EDARADD: variants seen among roughly 807,000 people sequenced by gnomAD.
The protein encoded by EDARADD is ectodysplasin-A receptor-associated adapter protein.
A neutral mutation model predicts 25.6 loss-of-function variants in EDARADD; 20 were observed. The observed-to-expected ratio is 0.78, with a 90% CI of 0.55 to 1.14. The LOEUF is 1.14. Among genes scored for constraint, EDARADD ranks in the 50% most tolerant of loss-of-function variants. The pLI, the probability that EDARADD is intolerant of heterozygous loss-of-function variation, is 0.00. For missense variants in EDARADD, 225 were observed against 270.1 expected (o/e 0.83, Z 1.17); for synonymous variants, 86 against 94.4 (o/e 0.91, Z 0.52).
At chr1:236,478,730 G>A (rs1441551224) in intron 5 of EDARADD, among the ~76,000 whole-genome samples, 1 of 152,096 alleles carries the variant, frequency 6.6e-6, no homozygotes, top group Non-Finnish European at 1.5e-5. Flanking sequence ...GGGACTGCAG[G>A]CGCCCGCCAT....
At chr1:236,396,298 GAATCTA>G (rs1369106300) in intron 1 of EDARADD, among the ~76,000 whole-genome samples, 5 of 152,100 alleles carry the variant, frequency 3.3e-5, no homozygotes, top group Non-Finnish European at 5.9e-5. Flanking sequence ...TCTCTCACGT[GAATCTA>G]AAATCCGTCC....
At chr1:236,480,009 G>A (rs1457427456) in intron 5 of EDARADD, among the ~76,000 whole-genome samples, 4 of 149,738 alleles carry the variant, frequency 2.7e-5, no homozygotes, top group Non-Finnish European at 5.9e-5. Context: ...CTGTGCCACC[G>A]CACTCCAGCC....
Position 236,394,625 on chromosome 1 carries a change from C to T in EDARADD, c.61+120C>T. 1.1e-5 allele frequency: 9 copies of T among 836,422 alleles called. No homozygotes were observed. The South Asian group carries it at 2.1e-4, about 20-fold the overall frequency. 51.8% of individuals were successfully genotyped at this position (836,422 alleles called of 1,614,324 possible). A position where few individuals can be genotyped will look rare whatever the true frequency, so the allele number is the denominator to read the frequency against. On this transcript the variant is annotated intron_variant, in intron 1 of 5. Transcript: ENST00000334232. ...TAAATACTATTATTATCTTTTTCGACCCGACTTTTATCTTTCTGTTCTTAT... is the reference window on the plus strand; with the variant it reads ...TAAATACTATTATTATCTTTTTCGATCCGACTTTTATCTTTCTGTTCTTAT...
At chr1:236,352,441 G>T (rs912478661) in intron 3 of EDARADD, among the ~76,000 whole-genome samples, 1 of 151,952 alleles carries the variant, frequency 6.6e-6, no homozygotes, top group Admixed American at 6.6e-5. Context: ...TCAGTGGCTC[G>T]TGCCTATAAT....
At chr1:236,401,084 G>A (rs1361478839) in intron 1 of EDARADD, among the ~76,000 whole-genome samples, 1 of 151,960 alleles carries the variant, frequency 6.6e-6, no homozygotes, top group Non-Finnish European at 1.5e-5. Context: ...TATATGGGAG[G>A]CTGAGGTGGG....
At chr1:236,390,960 T>TTATTATTATTATTAC (rs1282407214), upstream of EDARADD, among the ~76,000 whole-genome samples, 1 of 151,030 alleles carries the variant, frequency 6.6e-6, no homozygotes, top group Non-Finnish European at 1.5e-5. Flanking sequence ...ATTATTATTA[T>TTATTATTATTATTAC]TTTTTGAGAT....
intron 2 of EDARADD, among the ~76,000 whole-genome samples, chr1:236,349,817 T>G: frequency 1.3e-5 from 2 of 150,004 alleles, no homozygotes; most frequent in Admixed American, 6.7e-5. Context: ...AGGGCAGTGG[T>G]GGGGGAGGGT....
intron 3 of EDARADD, among the ~76,000 whole-genome samples, chr1:236,359,718 TA>T (rs1447638917): frequency 6.6e-6 from 1 of 152,122 alleles, no homozygotes; most frequent in Admixed American, 6.5e-5. Flanking sequence ...CTCCTCTTTT[TA>T]AAACCATCAG....
intron 3 of EDARADD, among the ~76,000 whole-genome samples, chr1:236,381,819 T>TTTTTTTTTTTTTA: frequency 7.2e-6 from 1 of 139,634 alleles, no homozygotes. Context: ...TTTTTTTTTT[T>TTTTTTTTTTTTTA]TTTTTTCAGA....
At chr1:236,400,686 C>G (rs189365650) in intron 1 of EDARADD, among the ~76,000 whole-genome samples, 1 of 150,218 alleles carries the variant, frequency 6.7e-6, no homozygotes, top group Admixed American at 6.6e-5. Context: ...TCCTGAGTAG[C>G]TGGGGCCACA....
intron 3 of EDARADD, among the ~76,000 whole-genome samples, chr1:236,379,651 C>A (rs1446072848): frequency 2.0e-5 from 3 of 151,150 alleles, no homozygotes; most frequent in Admixed American, 1.3e-4. Context: ...TGGTGGCGGG[C>A]ACCTGTAATC....
chr1:236,416,692 C>T (rs1422448662), intron 3 of EDARADD, among the ~76,000 whole-genome samples: 1 of 152,122 alleles, frequency 6.6e-6, no homozygotes, highest in African/African-American at 2.4e-5. Flanking sequence ...TTTCTTATCT[C>T]CAAATGAATA....
rs551992662 is a variant in EDARADD at position 236,381,402 on chromosome 1, T to C, written c.-5-27814T>C. ...TACATGTGCACAACGTGCAGGTTTG[T>C]TACATATAAGCTTGTGCTATTTTAG... is the stretch of plus-strand genomic sequence containing the variant. On this transcript the variant is annotated intron_variant, in intron 3 of 7. Coordinates refer to the EDARADD transcript ENST00000439430. Among the ~76,000 whole-genome samples, 6 of 152,272 alleles carry C rather than the reference T, an allele frequency of 3.9e-5. No individual in the cohort carries two copies. In the South Asian group the frequency reaches 1.2e-3, roughly 32 times the overall value.
At chr1:236,421,759 C>A (rs975350493) in intron 3 of EDARADD, among the ~76,000 whole-genome samples, 3 of 152,086 alleles carry the variant, frequency 2.0e-5, no homozygotes, top group African/African-American at 7.2e-5. Context: ...CCCGCATTGG[C>A]CTCCCAAAGT....
At chr1:236,363,030 T>TATATATATATATATATATATATAA (rs796610771) in intron 3 of EDARADD, among the ~76,000 whole-genome samples, 16 of 101,938 alleles carry the variant, frequency 1.6e-4, no homozygotes, top group East Asian at 1.1e-3. Context: ...TATATATATA[T>TATATATATATATATATATATATAA]ATAAAATTTG....
At chr1:236,394,075 A>G (rs1667469883), upstream of EDARADD, among the ~76,000 whole-genome samples, 1 of 152,114 alleles carries the variant, frequency 6.6e-6, no homozygotes, top group South Asian at 2.1e-4. Flanking sequence ...AAAAACATGA[A>G]TTACATTTCA....
At chr1:236,442,129 CTT>C (rs74899359) in intron 4 of EDARADD, among the ~76,000 whole-genome samples, 26 of 143,278 alleles carry the variant, frequency 1.8e-4, no homozygotes, top group Admixed American at 1.4e-4. Flanking sequence ...TTCTTTCTTT[CTT>C]TTTTTTTTTT....
chr1:236,465,880 AT>A (rs1659172646), intron 4 of EDARADD, among the ~76,000 whole-genome samples: 1 of 152,254 alleles, frequency 6.6e-6, no homozygotes, highest in South Asian at 2.1e-4. Flanking sequence ...AACAAACATC[AT>A]GCATATTAAT....
intron 3 of EDARADD, among the ~76,000 whole-genome samples, chr1:236,354,682 T>G (rs1212612137): frequency 6.6e-6 from 1 of 152,308 alleles, no homozygotes; most frequent in East Asian, 1.9e-4. Context: ...CAGCCCTGAT[T>G]GGACAGAGAC....
Sources: gnomAD v4.1 joint callset for allele counts (sites outside exome capture counted in the v4.1 genomes callset) on GRCh38, gnomAD v4.1.1 for gene constraint, MANE v1.5 for transcripts, NCBI Gene and HGNC (gene_info 2026-07-23, HGNC 2026-07-21) for gene names.